PTGIS: variants seen among roughly 807,000 people sequenced by gnomAD.
PTGIS encodes the protein prostacyclin synthase.
A neutral mutation model predicts 50.3 loss-of-function variants in PTGIS; 45 were observed. The ratio of observed to expected loss-of-function variants is 0.90; its 90% CI spans 0.70 to 1.15. The LOEUF is 1.15. Ranked by LOEUF, PTGIS falls within the 50% of genes most tolerant of loss-of-function variation. The probability of loss-of-function intolerance (pLI) is 0.00; values close to 1 mark genes in which losing one functional copy is unlikely to be tolerated. For synonymous variants in PTGIS, 260 were observed against 267.7 expected (o/e 0.97, Z 0.28); for missense variants, 668 against 661.3 (o/e 1.01, Z -0.11).
Position 49,563,823 on chromosome 20 carries a change from G to A in PTGIS, c.74+4220C>T, listed in dbSNP as rs149490960. 7.6e-3 allele frequency among the ~76,000 whole-genome samples: 1,158 copies of A among 152,270 alleles called. 4 individuals are homozygous for A. The highest frequency in any genetic ancestry group is 0.022 in the South Asian group (104 of 4,812). On this transcript the variant is annotated intron_variant, in intron 1 of 9. Transcript: ENST00000244043. ...CTCGCTTGATGCCACTATGCCTTCC[G>A]GACCCCCAGAAAAGGAGCCTCCCAA...
At chr20:49,521,498 C>G (rs1323690174) in intron 6 of PTGIS, among the ~76,000 whole-genome samples, 1 of 152,222 alleles carries the variant, frequency 6.6e-6, no homozygotes, top group Non-Finnish European at 1.5e-5. Context: ...TTCTGCCACT[C>G]AAACCCCTCA....
chr20:49,560,236 A>G (rs1484428330), intron 1 of PTGIS, among the ~76,000 whole-genome samples: 1 of 151,822 alleles, frequency 6.6e-6, no homozygotes, highest in Non-Finnish European at 1.5e-5. Context: ...TATACACTTT[A>G]AAAGGGGAGC....
At position 49,549,933 on chromosome 20, in the gene PTGIS, G is replaced by A. The variant is rs552327454; in HGVS notation, c.198+133C>T. On this transcript the variant is annotated intron_variant, in intron 2 of 9. Coordinates refer to ENST00000244043, the MANE Select transcript of PTGIS (RefSeq NM_000961.4). ...AGGCAGCTGGATAGAAAGTTGGCTC[G>A]ACCACTCAGATGGATGTTGGATGGT... 47 of 1,442,094 alleles carry A rather than the reference G, an allele frequency of 3.3e-5. No homozygotes were observed. The Admixed American group carries it at 6.4e-4, about 20-fold the overall frequency. The allele number at this position is 1,442,094 out of a possible 1,614,324, so 89.3% of individuals were successfully genotyped here.
chr20:49,530,553 A>G (rs1036973234), intron 5 of PTGIS, among the ~76,000 whole-genome samples: 2 of 152,202 alleles, frequency 1.3e-5, no homozygotes, highest in African/African-American at 2.4e-5. Flanking sequence ...CCAGTGCGAA[A>G]GAGTTCTCTT....
intron 4 of PTGIS, among the ~76,000 whole-genome samples, chr20:49,541,298 A>G (rs1184871027): frequency 6.6e-6 from 1 of 151,766 alleles, no homozygotes; most frequent in East Asian, 1.9e-4. Flanking sequence ...GGTACTCCCA[A>G]GGCCCTGTGG....
At chr20:49,549,746 A>T (rs1281807749) in intron 2 of PTGIS, among the ~76,000 whole-genome samples, 1 of 152,144 alleles carries the variant, frequency 6.6e-6, no homozygotes, top group Non-Finnish European at 1.5e-5. Flanking sequence ...GGATGGGAAG[A>T]TGGATGTTGA....
intron 1 of PTGIS, among the ~76,000 whole-genome samples, chr20:49,555,792 A>T (rs1203555973): frequency 6.6e-6 from 1 of 152,082 alleles, no homozygotes; most frequent in Non-Finnish European, 1.5e-5. Context: ...TTTTAGTTTG[A>T]TCTTTTTATA....
At chr20:49,525,222 G>A (rs1437201775) in intron 5 of PTGIS, among the ~76,000 whole-genome samples, 2 of 152,196 alleles carry the variant, frequency 1.3e-5, no homozygotes, top group East Asian at 1.9e-4. Context: ...ACCAGCCCTC[G>A]GCAGGAGAGG....
At chr20:49,535,321 C>A (rs1982040934) in intron 5 of PTGIS, among the ~76,000 whole-genome samples, 1 of 152,046 alleles carries the variant, frequency 6.6e-6, no homozygotes, top group Admixed American at 6.6e-5. Context: ...ATGTATAGGG[C>A]CTTTGACCTG....
intron 6 of PTGIS, among the ~76,000 whole-genome samples, chr20:49,520,720 G>T (rs1239309984): frequency 6.6e-6 from 1 of 152,172 alleles, no homozygotes; most frequent in Non-Finnish European, 1.5e-5. Flanking sequence ...AAGCTGGAGT[G>T]CAGTGGCACA....
Position 49,568,117 on chromosome 20 carries a change from C to CACGGGGCTGGCGGGGCTG in PTGIS, c.-2_-1insCAGCCCCGCCAGCCCCGT, listed in dbSNP as rs1555806537. 1 of 784,884 alleles carries CACGGGGCTGGCGGGGCTG rather than the reference C, an allele frequency of 1.3e-6. No individual in the cohort carries two copies. Among genetic ancestry groups the CACGGGGCTGGCGGGGCTG allele is most frequent in the Admixed American group, 4.4e-5 (1 of 22,490 alleles). The allele number at this position is 784,884 out of a possible 1,614,324, so 48.6% of individuals were successfully genotyped here. ...GGCCGAGGAGCGCGGCCCAAGCCAT[C>CACGGGGCTGGCGGGGCTG]GCGGGGCTGGCGGGGCTGGCGGGGC... is the stretch of plus-strand genomic sequence containing the variant. On this transcript the variant is annotated 5_prime_UTR_variant, in exon 1 of 10. Transcript: ENST00000244043.
intron 5 of PTGIS, among the ~76,000 whole-genome samples, chr20:49,536,245 T>C (rs1479908803): frequency 1.3e-5 from 2 of 152,218 alleles, no homozygotes; most frequent in Admixed American, 1.3e-4. Flanking sequence ...TTATATTTTA[T>C]ACAACCTGTA....
intron 1 of PTGIS, among the ~76,000 whole-genome samples, chr20:49,567,687 G>T (rs906112095): frequency 1.1e-4 from 16 of 152,338 alleles, no homozygotes; most frequent in African/African-American, 3.4e-4. Context: ...CGCAGAGGCT[G>T]TCCCCGCACG....
chr20:49,517,453 A>AGTGTGT (rs34021649), intron 6 of PTGIS, among the ~76,000 whole-genome samples: 1 of 149,156 alleles, frequency 6.7e-6, no homozygotes, highest in African/African-American at 2.4e-5. Context: ...TGTGAGTGTG[A>AGTGTGT]GTGTGTGTGT....
At chr20:49,520,664 T>C (rs1438351274) in intron 6 of PTGIS, among the ~76,000 whole-genome samples, 1 of 151,912 alleles carries the variant, frequency 6.6e-6, no homozygotes, top group East Asian at 1.9e-4. Context: ...TACTTGTTTG[T>C]TTATTTATTT....
At chr20:49,518,239 T>C (rs990835964) in intron 6 of PTGIS, among the ~76,000 whole-genome samples, 1 of 152,150 alleles carries the variant, frequency 6.6e-6, no homozygotes, top group Admixed American at 6.5e-5. Flanking sequence ...GTGTAGGTCA[T>C]AAATTGTAAC....
rs1568664549 is a variant in PTGIS at position 49,504,132 on chromosome 20, T to A, written c.*3788A>T. ...AGTGGGGGCCACTGGTGGGAGGAGA[T>A]GGCCCTGGTCGCCCATGGGATGAGA... On this transcript the variant is annotated 3_prime_UTR_variant, in exon 10 of 10. Transcript: ENST00000244043. 6.6e-6 allele frequency: 1 copy of A among 152,188 alleles called. No individual in the cohort carries two copies. Among genetic ancestry groups the A allele is most frequent in the Non-Finnish European group, 1.5e-5 (1 of 68,024 alleles). 9.4% of individuals were successfully genotyped at this position (152,188 alleles called of 1,614,324 possible). A position where few individuals can be genotyped will look rare whatever the true frequency, so the allele number is the denominator to read the frequency against.
At chr20:49,544,198 G>C (rs1982298670) in intron 4 of PTGIS, 107 bp downstream of exon 4, 2 of 1,459,572 alleles carry the variant, frequency 1.4e-6, no homozygotes, top group African/African-American at 2.8e-5. Flanking sequence ...GTCTCAAATT[G>C]CTTCCCCCAC....
At chr20:49,524,670 G>A (rs1164287676) in intron 5 of PTGIS, among the ~76,000 whole-genome samples, 2 of 152,096 alleles carry the variant, frequency 1.3e-5, no homozygotes, top group East Asian at 1.9e-4. Context: ...TGTGGCTGGG[G>A]AGGCCTCATA....
Sources: gnomAD v4.1 joint callset for allele counts (sites outside exome capture counted in the v4.1 genomes callset) on GRCh38, gnomAD v4.1.1 for gene constraint, MANE v1.5 for transcripts, NCBI Gene and HGNC (gene_info 2026-07-23, HGNC 2026-07-21) for gene names.